The following LIMS2 variants were observed in gnomAD, a reference collection of about 807,000 sequenced individuals.
LIMS2 encodes the protein LIM zinc finger domain containing 2.
A neutral mutation model predicts 45.3 loss-of-function variants in LIMS2; 30 were observed. The observed-to-expected ratio is 0.66, with a 90% CI of 0.50 to 0.90. The LOEUF (loss-of-function observed/expected upper bound fraction) is 0.90. Among genes scored for constraint, LIMS2 ranks in the 40% least tolerant of loss-of-function variants. LIMS2 has a pLI of 0.00. For synonymous variants in LIMS2, 173 were observed against 188.0 expected (o/e 0.92, Z 0.65); for missense variants, 485 against 468.7 (o/e 1.03, Z -0.32).
rs554139773 is a variant in LIMS2 at position 127,661,022 on chromosome 2, G to A, written c.12-3460C>T. On this transcript the variant is annotated intron_variant, in intron 1 of 9. Transcript: ENST00000355119. The stretch of plus-strand genomic sequence containing the variant: ...AGAGCCCCTAACAGCAGCTCTGTGA[G>A]GGAACATTCTGCTCCAAGAGCAAAG... Among the ~76,000 whole-genome samples the A allele has an allele frequency of 1.2e-4, 17 of 140,860 alleles. No individual in the cohort carries two copies. The South Asian group carries it at 3.7e-3, about 30-fold the overall frequency. 92.4% of individuals were successfully genotyped at this position (140,860 alleles called of 152,430 possible). A position where few individuals can be genotyped will look rare whatever the true frequency, so the allele number is the denominator to read the frequency against.
At chr2:127,656,104 G>T (rs1684233494) in intron 2 of LIMS2, 1 of 152,238 alleles carries the variant, frequency 6.6e-6, no homozygotes, top group South Asian at 2.1e-4. Context: ...CGATAGTAAA[G>T]TGGAACAAAA....
intron 4 of LIMS2, 177 bp from the exon 5 acceptor site, chr2:127,643,249 T>C: frequency 1.5e-6 from 1 of 649,250 alleles, no homozygotes; most frequent in East Asian, 2.8e-5. Flanking sequence ...AGGTCACAAG[T>C]GTGTCCTGGG....
chr2:127,660,717 A>G (rs1023660910), intron 1 of LIMS2, among the ~76,000 whole-genome samples: 3 of 152,252 alleles, frequency 2.0e-5, no homozygotes, highest in African/African-American at 4.8e-5. Context: ...AGCGAGACCA[A>G]GAACCCACCA....
In LIMS2 at chr2:127,664,354, C is replaced by T; in HGVS notation, c.12-6792G>A. The T allele has an allele frequency of 8.2e-7, 1 of 1,219,620 alleles. No homozygotes were observed. Among genetic ancestry groups the T allele is most frequent in the Non-Finnish European group, 1.0e-6 (1 of 980,314 alleles). 75.5% of individuals were successfully genotyped at this position (1,219,620 alleles called of 1,614,324 possible). On this transcript the variant is annotated intron_variant, in intron 1 of 9. Coordinates refer to ENST00000355119, the MANE Select transcript of LIMS2 (RefSeq NM_001161403.3). The surrounding 1 kb of genome is among the most constrained non-coding windows in gnomAD (Gnocchi z 5.5). Reference sequence around the variant, plus strand: ...CCGGTGCTGGCGCCGCCGGTACAGCCCCGACGCGGCCAGCGCACCCAGCCG... The same window carrying T: ...CCGGTGCTGGCGCCGCCGGTACAGCTCCGACGCGGCCAGCGCACCCAGCCG...
intron 6 of LIMS2, 61 bp from the exon 7 acceptor site, chr2:127,641,049 G>T: frequency 7.2e-7 from 1 of 1,394,152 alleles, no homozygotes. Context: ...CCGAGGGACA[G>T]TGGTGACCCG....
At chr2:127,663,126 C>T (rs1684786444) in intron 1 of LIMS2, among the ~76,000 whole-genome samples, 1 of 152,236 alleles carries the variant, frequency 6.6e-6, no homozygotes, top group African/African-American at 2.4e-5. Context: ...GCTGTGGTAT[C>T]AGTACTGTGA....
rs971398778 is a variant in LIMS2, at chr2:127,672,148, C to T, written c.11+2866G>A. On this transcript the variant is annotated intron_variant, in intron 1 of 9. Transcript: ENST00000355119. The surrounding 1 kb of genome is among the most constrained non-coding windows in gnomAD (Gnocchi z 4.9). The stretch of plus-strand genomic sequence containing the variant: ...AGCCAAGCCACTGAGCTCACGTGGC[C>T]GTGGGTGTCAACATCCCAGGCTCCA... Among the ~76,000 whole-genome samples, 2 of 152,176 alleles carry T rather than the reference C, an allele frequency of 1.3e-5. No individual in the cohort carries two copies. The highest frequency in any genetic ancestry group is 6.5e-5 in the Admixed American group (1 of 15,282).
rs1335121795 is a variant in LIMS2 at position 127,675,072 on chromosome 2, C to T, written c.-48G>A. 4.1e-6 allele frequency: 5 copies of T among 1,228,218 alleles called. No homozygotes were observed. The South Asian group carries it at 2.1e-4, about 51-fold the overall frequency. 76.1% of individuals were successfully genotyped at this position (1,228,218 alleles called of 1,614,324 possible). Reference sequence around the variant, plus strand: ...GGGTTGCCGGGGTTGCCGCGGGTCTCCCTCTGCTGCTGCAGCCGCCAGCCG... The same window carrying T: ...GGGTTGCCGGGGTTGCCGCGGGTCTTCCTCTGCTGCTGCAGCCGCCAGCCG... On this transcript the variant is annotated 5_prime_UTR_variant, in exon 1 of 10. Transcript: ENST00000355119.
upstream of LIMS2, among the ~76,000 whole-genome samples, chr2:127,678,582 C>A (rs767827302): frequency 5.9e-5 from 9 of 152,160 alleles, no homozygotes; most frequent in Non-Finnish European, 1.2e-4. This position sits in a 1 kb window ranked among gnomAD's most constrained non-coding sequence, Gnocchi z 5.3. Flanking sequence ...GCATCAAACA[C>A]AGGATCTATT....
At position 127,653,278 on chromosome 2, in the gene LIMS2, G is replaced by C. The variant is rs1483746480; in HGVS notation, c.359+1146C>G. 6.6e-6 allele frequency among the ~76,000 whole-genome samples: 1 copy of C among 152,150 alleles called. No individual in the cohort carries two copies. Among genetic ancestry groups the C allele is most frequent in the Non-Finnish European group, 1.5e-5 (1 of 68,024 alleles). On this transcript the variant is annotated intron_variant, in intron 4 of 9. Transcript: ENST00000355119. The surrounding 1 kb of genome is among the most constrained non-coding windows in gnomAD (Gnocchi z 5.3). ...AGAGAGAGTGTGGCAGGGGAAGCAT[G>C]GCTGGGGCCTCTGGGGGTCGGCGCT...
At chr2:127,655,756 CT>C (rs1684211788) in intron 2 of LIMS2, 1 of 152,396 alleles carries the variant, frequency 6.6e-6, no homozygotes, top group African/African-American at 2.4e-5. Flanking sequence ...GCTGAAGACA[CT>C]GTGAGGAACA....
Position 127,638,810 on chromosome 2 carries a change from A to T in LIMS2, c.*471T>A, listed in dbSNP as rs1346474662. 6.3e-6 allele frequency: 1 copy of T among 159,874 alleles called. No individual in the cohort carries two copies. The highest frequency in any genetic ancestry group is 2.4e-5 in the African/African-American group (1 of 41,600). 9.9% of individuals were successfully genotyped at this position (159,874 alleles called of 1,614,324 possible). A position where few individuals can be genotyped will look rare whatever the true frequency, so the allele number is the denominator to read the frequency against. ...TTGGAGGTGGCTCCCAGAGGCCTCC[A>T]TCTGCATGGCCCTGGCCCTGTGGCT... On this transcript the variant is annotated 3_prime_UTR_variant, in exon 10 of 10. Coordinates refer to ENST00000355119, the MANE Select transcript of LIMS2 (RefSeq NM_001161403.3).
At chr2:127,651,689 G>A (rs1683814322) in intron 4 of LIMS2, 1 of 1,613,282 alleles carries the variant, frequency 6.2e-7, no homozygotes. Context: ...AAAGGCTCAA[G>A]GGCCCGCCCC....
At chr2:127,659,097 C>T (rs1002646163) in intron 1 of LIMS2, among the ~76,000 whole-genome samples, 3 of 152,064 alleles carry the variant, frequency 2.0e-5, no homozygotes, top group South Asian at 4.2e-4. Flanking sequence ...GGGCTGTGGG[C>T]GGAGGGTCTC....
rs750285589 is a variant in LIMS2 at position 127,654,843 on chromosome 2, G to C, written c.225C>G (p.Cys75Trp). 1 of 1,614,140 alleles carries C rather than the reference G, an allele frequency of 6.2e-7. No individual in the cohort carries two copies. The highest frequency in any genetic ancestry group is 1.1e-5 in the South Asian group (1 of 91,088). The change falls in exon 3 of 10, where the codon TGC becomes TGG. Residue 75 changes from cysteine (C) to tryptophan (W), a missense_variant. Cys to Trp is a radical substitution (Grantham distance 215, BLOSUM62 -2). Transcript: ENST00000355119. ...EHDFQMLFAP[C>W]CGSCGEFIIG... ...CACCGGCCTTACCGCAGGATCCACA[G>C]CACGGAGCAAACAGCATTTGGAAGT...
chr2:127,668,697 A>AAAAAAAAAAAAAAAAAAC (rs1685142162), intron 1 of LIMS2, among the ~76,000 whole-genome samples: 2 of 85,762 alleles, frequency 2.3e-5, no homozygotes, highest in African/African-American at 4.2e-5. Flanking sequence ...AAAAAAAAAA[A>AAAAAAAAAAAAAAAAAAC]AAAAAAAAAA....
chr2:127,649,015 G>A (rs1683346821), intron 4 of LIMS2, among the ~76,000 whole-genome samples: 1 of 41,210 alleles, frequency 2.4e-5, no homozygotes, highest in East Asian at 6.2e-4. Flanking sequence ...GGAAGGGGAG[G>A]GAGGGAGGAA....
At chr2:127,650,481 T>C (rs1264374401) in intron 4 of LIMS2, 2 of 564,200 alleles carry the variant, frequency 3.5e-6, no homozygotes, top group South Asian at 2.3e-5. Flanking sequence ...TGCAGCTGCA[T>C]AGCGGCGAAA....
At chr2:127,679,362 G>C (rs976675881), upstream of LIMS2, among the ~76,000 whole-genome samples, 1 of 152,170 alleles carries the variant, frequency 6.6e-6, no homozygotes, top group African/African-American at 2.4e-5. The surrounding 1 kb of genome is among the most constrained non-coding windows in gnomAD (Gnocchi z 5.3). Context: ...TGAGAATGCA[G>C]TGTCCATTCC....
Sources: gnomAD v4.1 joint callset for allele counts (sites outside exome capture counted in the v4.1 genomes callset) on GRCh38, gnomAD v4.1.1 for gene constraint, Gnocchi (gnomAD v3.1) non-coding constraint, MANE v1.5 for transcripts, NCBI Gene and HGNC (gene_info 2026-07-23, HGNC 2026-07-21) for gene names.